The following PAX8 variants were observed in gnomAD, a reference collection of about 807,000 sequenced individuals.
The protein encoded by PAX8 is paired box protein Pax-8.
Under a neutral mutation model 52.4 loss-of-function variants are expected in PAX8, and 15 were observed. The observed-to-expected ratio is 0.29, with a 90% CI of 0.19 to 0.44. The LOEUF (loss-of-function observed/expected upper bound fraction) is 0.44. Ranked by LOEUF, PAX8 falls within the 20% of genes least tolerant of loss-of-function variation. The probability of loss-of-function intolerance (pLI) is 1.00; values close to 1 mark genes in which losing one functional copy is unlikely to be tolerated. For missense variants in PAX8, 554 were observed against 602.5 expected, an observed-to-expected ratio of 0.92 and a Z score of 0.84; for synonymous variants, 284 against 249.7, an observed-to-expected ratio of 1.14 and a Z score of -1.29.
At chr2:113,236,042 G>A (rs1690276450) in intron 8 of PAX8, 1 of 219,498 alleles carries the variant, frequency 4.6e-6, no homozygotes, top group Non-Finnish European at 8.8e-6. Flanking sequence ...CTTGAGGCCC[G>A]GCCTAGGACC....
At chr2:113,274,940 T>C (rs2104612764) in intron 2 of PAX8, 1 of 152,326 alleles carries the variant, frequency 6.6e-6, no homozygotes, top group South Asian at 2.1e-4. Flanking sequence ...TTTGAGGCCA[T>C]AAATAGAACG....
At chr2:113,253,475 C>T (rs1558734450) in intron 2 of PAX8, among the ~76,000 whole-genome samples, 1 of 152,232 alleles carries the variant, frequency 6.6e-6, no homozygotes, top group Admixed American at 6.5e-5. Context: ...GGGCCTGCCC[C>T]TTCCACTCAA....
intron 10 of PAX8, chr2:113,226,351 A>G: frequency 1.0e-6 from 1 of 985,566 alleles, no homozygotes; most frequent in Non-Finnish European, 1.2e-6. Context: ...ACCAGTGACA[A>G]TGGCTCAATT....
chr2:113,238,659 A>T (rs989482574), intron 7 of PAX8: 1 of 151,918 alleles, frequency 6.6e-6, no homozygotes. Flanking sequence ...AACTTCAGCG[A>T]CTCTGAGCCC....
At chr2:113,220,281 T>C in intron 10 of PAX8, 103 bp from the exon 11 acceptor site, 1 of 838,266 alleles carries the variant, frequency 1.2e-6, no homozygotes, top group Non-Finnish European at 2.0e-6. Context: ...AGCTCAGGAA[T>C]GGTTGGGGAG....
At position 113,241,908 on chromosome 2, in the gene PAX8, A is replaced by G. The variant is rs961148126; in HGVS notation, c.601+100T>C. 6 of 1,498,686 alleles carry G rather than the reference A, an allele frequency of 4.0e-6. No individual in the cohort carries two copies. In the African/African-American group the frequency reaches 8.3e-5, roughly 21 times the overall value. The allele number at this position is 1,498,686 out of a possible 1,614,324, so 92.8% of individuals were successfully genotyped here. A position where few individuals can be genotyped will look rare whatever the true frequency, so the allele number is the denominator to read the frequency against. On this transcript the variant is annotated intron_variant, in intron 6 of 11. Transcript: ENST00000429538. ...TGTGACAGTCACATGCAGAGCCCCT[A>G]CAAAGTCCCATATCATAAGTGGAAG...
chr2:113,256,449 GC>G (rs1241656515), intron 2 of PAX8, among the ~76,000 whole-genome samples: 16 of 152,326 alleles, frequency 1.1e-4, no homozygotes, highest in Middle Eastern at 3.4e-3. Flanking sequence ...AACTACTGCT[GC>G]TGAGGTATTG....
intron 2 of PAX8, among the ~76,000 whole-genome samples, chr2:113,257,259 C>T (rs1277619045): frequency 6.6e-6 from 1 of 152,138 alleles, no homozygotes; most frequent in Non-Finnish European, 1.5e-5. Flanking sequence ...CTCCTTCTTT[C>T]CCCTTCTAGT....
chr2:113,254,312 A>G (rs1692026523), intron 2 of PAX8, among the ~76,000 whole-genome samples: 1 of 152,250 alleles, frequency 6.6e-6, no homozygotes, highest in Non-Finnish European at 1.5e-5. Flanking sequence ...GGGGATGGGT[A>G]TATATTTAAA....
chr2:113,278,745 C>G, intron 1 of PAX8, 86 bp downstream of exon 1: 1 of 697,980 alleles, frequency 1.4e-6, no homozygotes, highest in Non-Finnish European at 2.0e-6. Context: ...AGGGAAAAGG[C>G]TGCCAGGCAT....
chr2:113,225,203 A>G (rs893496422), intron 10 of PAX8, among the ~76,000 whole-genome samples: 2 of 152,254 alleles, frequency 1.3e-5, no homozygotes, highest in African/African-American at 4.8e-5. Context: ...ATGCAAAAGT[A>G]CATAATAAGT....
intron 7 of PAX8, chr2:113,236,945 C>G (rs1438734014): frequency 1.7e-6 from 1 of 584,166 alleles, no homozygotes; most frequent in Non-Finnish European, 3.0e-6. Flanking sequence ...CATGGGTGCC[C>G]AGACGTGGGA....
At chr2:113,261,426 A>G (rs1224153754) in intron 2 of PAX8, among the ~76,000 whole-genome samples, 1 of 152,184 alleles carries the variant, frequency 6.6e-6, no homozygotes, top group Non-Finnish European at 1.5e-5. Flanking sequence ...CTATGTGACA[A>G]AACACCAGGG....
At chr2:113,255,172 G>A (rs1235237094) in intron 2 of PAX8, among the ~76,000 whole-genome samples, 3 of 147,392 alleles carry the variant, frequency 2.0e-5, no homozygotes, top group Non-Finnish European at 4.5e-5. Context: ...AAAAAAGAAG[G>A]AAGGAGGGAC....
Position 113,242,070 on chromosome 2 carries a change from T to C in PAX8, c.539A>G (p.Tyr180Cys). 1 of 1,613,308 alleles carries C rather than the reference T, an allele frequency of 6.2e-7. No individual in the cohort carries two copies. The highest frequency in any genetic ancestry group is 8.5e-7 in the Non-Finnish European group (1 of 1,179,594). The change falls in exon 6 of 12, where the codon TAC (tyrosine) becomes TGC (cysteine). Residue 180 changes from tyrosine (Y) to cysteine (C), a missense_variant. Coordinates refer to ENST00000429538, the MANE Select transcript of PAX8 (RefSeq NM_003466.4). ...SPQSDSLGSTYSINGLLGIAQ... is the reference protein window; with the variant it reads ...SPQSDSLGSTCSINGLLGIAQ... ...GATGCCCAGGAGCCCATTGATGGAG[T>C]AGGTGGAGCCCAGGGAATCCGACTG...
Position 113,220,163 on chromosome 2 carries a change from C to G in PAX8, c.1205G>C (p.Gly402Ala). 6.2e-7 allele frequency: 1 copy of G among 1,613,706 alleles called. No individual in the cohort carries two copies. The highest frequency in any genetic ancestry group is 8.5e-7 in the Non-Finnish European group (1 of 1,179,758). The change falls in exon 11 of 12, where the codon GGC (glycine) becomes GCC (alanine). Residue 402 changes from glycine to alanine, a missense_variant. By Grantham distance (60) the Gly-to-Ala change is moderately conservative. Coordinates refer to ENST00000429538, the MANE Select transcript of PAX8 (RefSeq NM_003466.4). The part of the protein sequence containing the change: ...AGMVAGSEYS[G>A]NAYGHTPYSS... ...GTAGGGGGTGTGGCCATAGGCATTGCCAGAGTATTCACTTCCTGTTGGAGG... is the reference window on the plus strand; with the variant it reads ...GTAGGGGGTGTGGCCATAGGCATTGGCAGAGTATTCACTTCCTGTTGGAGG...
chr2:113,235,999 G>C, intron 8 of PAX8: 1 of 219,186 alleles, frequency 4.6e-6, no homozygotes, highest in Non-Finnish European at 8.9e-6. Flanking sequence ...TGCGGGAGCC[G>C]CCTAGGACCG....
chr2:113,253,554 A>G (rs1341067216), intron 2 of PAX8, among the ~76,000 whole-genome samples: 1 of 152,132 alleles, frequency 6.6e-6, no homozygotes, highest in Non-Finnish European at 1.5e-5. Flanking sequence ...CCTTGGAAGT[A>G]ACAGTGTGTC....
intron 2 of PAX8, chr2:113,275,596 A>G (rs1364617051): frequency 1.3e-5 from 2 of 152,254 alleles, no homozygotes; most frequent in Admixed American, 6.5e-5. Flanking sequence ...GTGGGCTGCG[A>G]CAAGTTATTT....
Sources: allele counts gnomAD v4.1 joint callset (sites outside exome capture counted in the v4.1 genomes callset), GRCh38; gene constraint gnomAD v4.1.1; transcripts MANE v1.5; gene names NCBI Gene and HGNC (gene_info 2026-07-23, HGNC 2026-07-21).